NRXN3: variants seen among roughly 807,000 people sequenced by gnomAD.
NRXN3 encodes neurexin 3.
In NRXN3, 32 loss-of-function variants were observed where a neutral mutation model predicts 137.6. The ratio of observed to expected loss-of-function variants is 0.23; its 90% CI spans 0.18 to 0.31. The LOEUF is 0.31. Ranked by LOEUF, NRXN3 falls within the 10% of genes least tolerant of loss-of-function variation. NRXN3 has a pLI of 1.00. For missense variants in NRXN3, 1,574 were observed against 2,062.5 expected (o/e 0.76, Z 4.59); for synonymous variants, 798 against 784.5 (o/e 1.02, Z -0.29).
At chr14:79,340,160 G>GGTGTGTGTGTGT (rs10533702) in intron 15 of NRXN3, among the ~76,000 whole-genome samples, 7 of 146,638 alleles carry the variant, frequency 4.8e-5, no homozygotes, top group Non-Finnish European at 9.0e-5. Context: ...TGAATTTAAG[G>GGTGTGTGTGTGT]GTGTGTGTGT....
intron 15 of NRXN3, among the ~76,000 whole-genome samples, chr14:79,454,183 A>C (rs899817428): frequency 1.3e-5 from 2 of 152,030 alleles, no homozygotes; most frequent in Admixed American, 6.6e-5. Context: ...TCCCAGGTTC[A>C]AGCGATTCTG....
At position 78,206,421 on chromosome 14, in the gene NRXN3, A is replaced by G. The variant is rs149206145; in HGVS notation, c.-704+35747A>G. On this transcript the variant is annotated intron_variant, in intron 1 of 20. Coordinates refer to ENST00000335750, the MANE Select transcript of NRXN3 (RefSeq NM_001330195.2). ...GGATCACTCATACCCCAGAAATGGCAGGTTTCTCCTCCTCTAGTCTGCCCA... is the reference window on the plus strand; with the variant it reads ...GGATCACTCATACCCCAGAAATGGCGGGTTTCTCCTCCTCTAGTCTGCCCA... Among the ~76,000 whole-genome samples the G allele has an allele frequency of 3.3e-3, 500 of 152,298 alleles. 7 individuals carry two copies. The highest frequency in any genetic ancestry group is 0.012 in the African/African-American group (486 of 41,556).
At chr14:79,565,295 G>GTATA (rs1567520238) in intron 16 of NRXN3, among the ~76,000 whole-genome samples, 1 of 143,772 alleles carries the variant, frequency 7.0e-6, no homozygotes, top group East Asian at 2.0e-4. Context: ...ACGCACACAT[G>GTATA]TGTATATACA....
intron 3 of NRXN3, among the ~76,000 whole-genome samples, chr14:78,296,060 C>CTTT (rs1204627546): frequency 1.5e-5 from 2 of 130,204 alleles, no homozygotes; most frequent in African/African-American, 2.9e-5. Context: ...CTCTCTCTGT[C>CTTT]TTTTTTTTTT....
intron 15 of NRXN3, among the ~76,000 whole-genome samples, chr14:79,066,855 A>C (rs1321999780): frequency 1.3e-5 from 2 of 152,098 alleles, no homozygotes; most frequent in African/African-American, 4.8e-5. Flanking sequence ...TCAGCTTACG[A>C]AGCCTTTGAG....
chr14:79,091,219 G>A (rs566746707), intron 15 of NRXN3, among the ~76,000 whole-genome samples: 1 of 151,842 alleles, frequency 6.6e-6, no homozygotes, highest in South Asian at 2.1e-4. Context: ...CTTATTGCCT[G>A]GTACATAGTT....
intron 15 of NRXN3, among the ~76,000 whole-genome samples, chr14:79,293,880 G>A (rs1330117906): frequency 6.6e-6 from 1 of 152,206 alleles, no homozygotes; most frequent in African/African-American, 2.4e-5. Context: ...TACATGGAAG[G>A]TTTTATCCAG....
chr14:78,639,951 C>A (rs1237234667), intron 4 of NRXN3, among the ~76,000 whole-genome samples: 3 of 152,006 alleles, frequency 2.0e-5, no homozygotes, highest in Non-Finnish European at 4.4e-5. Flanking sequence ...ATGTAAATAC[C>A]TGCTTGCAAA....
chr14:78,667,580 G>T (rs2097897742), intron 6 of NRXN3, among the ~76,000 whole-genome samples: 1 of 152,132 alleles, frequency 6.6e-6, no homozygotes. Context: ...CTGACTGTAA[G>T]AAAGTTGCTG....
chr14:78,393,549 T>C (rs971175705), intron 4 of NRXN3, among the ~76,000 whole-genome samples: 14 of 152,090 alleles, frequency 9.2e-5, no homozygotes, highest in African/African-American at 2.9e-4. Flanking sequence ...GTAGATTGAT[T>C]CCTCCTACTT....
chr14:78,994,539 C>T (rs754747820), intron 15 of NRXN3, among the ~76,000 whole-genome samples: 8 of 152,196 alleles, frequency 5.3e-5, no homozygotes, highest in South Asian at 2.1e-4. Flanking sequence ...TTCATTGAGT[C>T]GTTGGTGGAG....
chr14:79,189,790 A>G (rs2064035973), intron 15 of NRXN3, among the ~76,000 whole-genome samples: 1 of 152,204 alleles, frequency 6.6e-6, no homozygotes, highest in African/African-American at 2.4e-5. Flanking sequence ...CATGCATAAA[A>G]AAGTCATACA....
At chr14:79,268,340 T>G (rs1232106247) in intron 15 of NRXN3, among the ~76,000 whole-genome samples, 1 of 152,226 alleles carries the variant, frequency 6.6e-6, no homozygotes, top group Admixed American at 6.5e-5. Flanking sequence ...CTGGCAATAA[T>G]ATTTCCGTAT....
rs1055156217 is a variant in NRXN3 at position 78,835,359 on chromosome 14, G to A, written c.2275+25015G>A. The stretch of plus-strand genomic sequence containing the variant: ...GCAGTTGGTGGTGGCTGGTGGCGGC[G>A]GTGGCAGCAGTGGGCTGGTTACATC... On this transcript the variant is annotated intron_variant, in intron 10 of 20. Transcript: ENST00000335750. Among the ~76,000 whole-genome samples the A allele has an allele frequency of 5.3e-5, 8 of 152,268 alleles. No homozygotes were observed. The East Asian group carries it at 7.7e-4, about 15-fold the overall frequency.
intron 4 of NRXN3, among the ~76,000 whole-genome samples, chr14:78,546,219 A>G (rs560934515): frequency 2.6e-5 from 4 of 152,368 alleles, no homozygotes; most frequent in African/African-American, 9.6e-5. Flanking sequence ...CATCCCTGAT[A>G]GTGATACGAA....
intron 15 of NRXN3, among the ~76,000 whole-genome samples, chr14:79,461,210 AG>A (rs757020918): frequency 1.1e-4 from 16 of 152,106 alleles, no homozygotes; most frequent in Non-Finnish European, 2.1e-4. Flanking sequence ...ACAGCTTTGG[AG>A]AAGAGGGCAT....
At chr14:78,872,774 T>C (rs2099104664) in intron 10 of NRXN3, among the ~76,000 whole-genome samples, 1 of 152,210 alleles carries the variant, frequency 6.6e-6, no homozygotes, top group Non-Finnish European at 1.5e-5. Context: ...TTTCTCTCTG[T>C]GCGTTTTCTG....
At chr14:79,549,438 A>T (rs1025761288) in intron 16 of NRXN3, among the ~76,000 whole-genome samples, 1 of 152,198 alleles carries the variant, frequency 6.6e-6, no homozygotes, top group Non-Finnish European at 1.5e-5. Context: ...GATACCATAC[A>T]TGTAAGGAAA....
chr14:79,074,788 A>G (rs1261854611), intron 15 of NRXN3: 1 of 152,206 alleles, frequency 6.6e-6, no homozygotes, highest in Non-Finnish European at 1.5e-5. Context: ...CTGACAGGCA[A>G]ACATATCTGA....
Sources: gnomAD v4.1 joint callset for allele counts (sites outside exome capture counted in the v4.1 genomes callset) on GRCh38, gnomAD v4.1.1 for gene constraint, MANE v1.5 for transcripts, NCBI Gene and HGNC (gene_info 2026-07-23, HGNC 2026-07-21) for gene names.